RAD21L1: variants seen among roughly 807,000 people sequenced by gnomAD.
The protein encoded by RAD21L1 is RAD21 cohesin complex component like 1, also known as double-strand-break repair protein rad21-like protein 1.
In RAD21L1, 47 loss-of-function variants were observed where a neutral mutation model predicts 69.0. The observed-to-expected ratio is 0.68, with a 90% CI of 0.54 to 0.87. The LOEUF is 0.87. Ranked by LOEUF, RAD21L1 falls within the 40% of genes least tolerant of loss-of-function variation. The pLI, the probability that RAD21L1 is intolerant of heterozygous loss-of-function variation, is 0.00. For synonymous variants in RAD21L1, 177 were observed against 205.8 expected, an observed-to-expected ratio of 0.86 and a Z score of 1.20; for missense variants, 583 against 647.6, an observed-to-expected ratio of 0.90 and a Z score of 1.08.
At chr20:1,237,995 A>G (rs1568519713) in intron 5 of RAD21L1, 49 bp from the exon 6 acceptor site, 10 of 1,050,864 alleles carry the variant, frequency 9.5e-6, no homozygotes, top group Admixed American at 2.5e-5. Context: ...TTCTAACCCT[A>G]TAATTCTGTG....
intron 7 of RAD21L1, among the ~76,000 whole-genome samples, chr20:1,239,984 ATT>A: frequency 6.6e-6 from 1 of 151,720 alleles, no homozygotes; most frequent in Non-Finnish European, 1.5e-5. Context: ...ACAGAATAGA[ATT>A]TTTTTTTAGC....
chr20:1,240,302 T>C lies in RAD21L1; in HGVS notation c.743-19T>C. Reference sequence around the variant, plus strand: ...TAACTGGTTTTTTTTACAATTACTTTTATGTGGATGTTGATTAGTTGAACC... The same window carrying C: ...TAACTGGTTTTTTTTACAATTACTTCTATGTGGATGTTGATTAGTTGAACC... On this transcript the variant is annotated intron_variant, in intron 7 of 13. Transcript: ENST00000683101. 2 of 1,523,278 alleles carry C rather than the reference T, an allele frequency of 1.3e-6. No homozygotes were observed. Among genetic ancestry groups the C allele is most frequent in the Non-Finnish European group, 1.8e-6 (2 of 1,137,298 alleles). The allele number at this position is 1,523,278 out of a possible 1,614,324, so 94.4% of individuals were successfully genotyped here. A position where few individuals can be genotyped will look rare whatever the true frequency, so the allele number is the denominator to read the frequency against.
Position 1,251,515 on chromosome 20 carries a change from A to T in RAD21L1, c.1480-2754A>T, listed in dbSNP as rs79165955. Reference sequence around the variant, plus strand: ...ATTTTTTAAAGTTTTTCATAGAGTCAAGGTCCCACTGTGTTGCTCAGGCTG... The same window carrying T: ...ATTTTTTAAAGTTTTTCATAGAGTCTAGGTCCCACTGTGTTGCTCAGGCTG... On this transcript the variant is annotated intron_variant, in intron 13 of 13. Coordinates refer to ENST00000683101, the MANE Select transcript of RAD21L1 (RefSeq NM_001384355.1). Among the ~76,000 whole-genome samples, 1,109 of 151,970 alleles carry T rather than the reference A, an allele frequency of 7.3e-3. 16 individuals carry two copies. Among genetic ancestry groups the T allele is most frequent in the African/African-American group, 0.026 (1,065 of 41,500 alleles).
In RAD21L1 at chr20:1,228,467, A is replaced by G. The variant is rs2087309645; in HGVS notation, c.14A>G (p.His5Arg). The stretch of plus-strand genomic sequence containing the variant: ...AACACAGGCAACATGTTCTACACAC[A>G]TGTGCTTATGAGTAAACGAGGGCCA... The part of the protein sequence containing the change: MFYT[H>R]VLMSKRGPLA... The change falls in exon 2 of 14, where the codon CAT becomes CGT. Residue 5 changes from histidine to arginine, a missense_variant. Transcript: ENST00000683101. 2 of 1,546,656 alleles carry G rather than the reference A, an allele frequency of 1.3e-6. No individual in the cohort carries two copies. Among genetic ancestry groups the G allele is most frequent in the Non-Finnish European group, 1.7e-6 (2 of 1,145,382 alleles).
At chr20:1,228,709 A>G (rs2087318451) in intron 2 of RAD21L1, 112 bp downstream of exon 2, 3 of 783,674 alleles carry the variant, frequency 3.8e-6, no homozygotes, top group East Asian at 5.9e-5. Flanking sequence ...TTACTTGTCA[A>G]ATGGTCTTTC....
intron 7 of RAD21L1, 53 bp from the exon 8 acceptor site, chr20:1,240,268 C>T (rs2087579392): frequency 6.7e-7 from 1 of 1,500,064 alleles, no homozygotes; most frequent in African/African-American, 1.4e-5. Flanking sequence ...AGTCCTCTAG[C>T]CTGCATCCTA....
Position 1,228,465 on chromosome 20 carries a change from A to T in RAD21L1, c.12A>T (p.Thr4=), listed in dbSNP as rs769346469. 1.7e-5 allele frequency: 26 copies of T among 1,545,554 alleles called. No homozygotes were observed. The Middle Eastern group carries it at 5.0e-4, about 30-fold the overall frequency. Residue 4 remains threonine, a synonymous_variant, in exon 2 of 14, where the codon ACA becomes ACT. Coordinates refer to ENST00000683101, the MANE Select transcript of RAD21L1 (RefSeq NM_001384355.1). MFY[T]HVLMSKRGPL... ...GGAACACAGGCAACATGTTCTACAC[A>T]CATGTGCTTATGAGTAAACGAGGGC...
chr20:1,238,420 A>G (rs2087543155), intron 6 of RAD21L1, among the ~76,000 whole-genome samples: 1 of 152,030 alleles, frequency 6.6e-6, no homozygotes, highest in African/African-American at 2.4e-5. Context: ...GTTTAAATAT[A>G]TTTTCTATAG....
rs1351524233 is a variant in RAD21L1, at chr20:1,254,889, C to T, written c.*432C>T. On this transcript the variant is annotated 3_prime_UTR_variant, in exon 14 of 14. Coordinates refer to ENST00000683101, the MANE Select transcript of RAD21L1 (RefSeq NM_001384355.1). ...TCATTTCCCTGATTTGAATGTTGCA[C>T]TTAGCATACATTTAGCATGCATTTT... Among the ~76,000 whole-genome samples the T allele has an allele frequency of 1.3e-5, 2 of 152,162 alleles. No homozygotes were observed. The highest frequency in any genetic ancestry group is 2.4e-5 in the African/African-American group (1 of 41,430).
intron 8 of RAD21L1, among the ~76,000 whole-genome samples, chr20:1,241,298 G>C (rs959979208): frequency 1.3e-5 from 2 of 152,222 alleles, no homozygotes; most frequent in African/African-American, 4.8e-5. Flanking sequence ...AGAATAAAAA[G>C]ATCAGAGGAG....
chr20:1,241,545 A>G (rs1018423770), intron 8 of RAD21L1, among the ~76,000 whole-genome samples: 3 of 152,208 alleles, frequency 2.0e-5, no homozygotes, highest in African/African-American at 7.2e-5. Flanking sequence ...CCTCTATCTC[A>G]CTAGGCTGGC....
rs1338103974 is a variant in RAD21L1 at position 1,243,076 on chromosome 20, CA to C, written c.1084-16del. The C allele has an allele frequency of 2.1e-6, 3 of 1,443,632 alleles. No individual in the cohort carries two copies. The highest frequency in any genetic ancestry group is 2.8e-6 in the Non-Finnish European group (3 of 1,076,352). 89.4% of individuals were successfully genotyped at this position (1,443,632 alleles called of 1,614,324 possible). On this transcript the variant is annotated intron_variant, in intron 9 of 13. Transcript: ENST00000683101. ...TTTGCTGGTACAAAAACAAAAAAAA[CA>C]AAAATGTGTATTTTTACAGTTGTTT...
intron 7 of RAD21L1, 108 bp downstream of exon 7, chr20:1,239,515 G>C (rs902373395): frequency 1.6e-6 from 1 of 637,060 alleles, no homozygotes; most frequent in African/African-American, 1.8e-5. Flanking sequence ...AAAGAACAAT[G>C]TCTTTCAGAC....
intron 5 of RAD21L1, among the ~76,000 whole-genome samples, chr20:1,235,750 TG>T (rs1196583774): frequency 6.6e-6 from 1 of 151,532 alleles, no homozygotes; most frequent in Non-Finnish European, 1.5e-5. Context: ...TATTCTTATT[TG>T]GGCTTGAAAC....
At position 1,241,965 on chromosome 20, in the gene RAD21L1, G is replaced by A. The variant is rs150564650; in HGVS notation, c.857-654G>A. Among the ~76,000 whole-genome samples the A allele has an allele frequency of 2.0e-5, 3 of 152,288 alleles. No homozygotes were observed. In the East Asian group the frequency reaches 5.8e-4, roughly 29 times the overall value. The stretch of plus-strand genomic sequence containing the variant: ...CTGCTTGGAATGTCTATGAATTTCA[G>A]TGGGAGAGGGAAAAATACACTGGAC... On this transcript the variant is annotated intron_variant, in intron 8 of 13. Coordinates refer to ENST00000683101, the MANE Select transcript of RAD21L1 (RefSeq NM_001384355.1).
At position 1,254,249 on chromosome 20, in the gene RAD21L1, T is replaced by A. The variant is rs762769913; in HGVS notation, c.1480-20T>A. ...GATCTTGTTTCCCATTTCTTTTTTC[T>A]TTTCTAATTATTTTCCCAGGAATCT... On this transcript the variant is annotated intron_variant, in intron 13 of 13. Coordinates refer to ENST00000683101, the MANE Select transcript of RAD21L1 (RefSeq NM_001384355.1). 137 of 1,436,720 alleles carry A rather than the reference T, an allele frequency of 9.5e-5. No homozygotes were observed. The highest frequency in any genetic ancestry group is 1.9e-6 in the Non-Finnish European group (2 of 1,078,384). The allele number at this position is 1,436,720 out of a possible 1,614,324, so 89.0% of individuals were successfully genotyped here.
At position 1,231,560 on chromosome 20, in the gene RAD21L1, A is replaced by G. The variant is rs1186433322; in HGVS notation, c.309A>G (p.Ala103=). The change falls in exon 4 of 14, where the codon GCA becomes GCG. Residue 103 remains alanine, a synonymous_variant. Transcript: ENST00000683101. ...LVDLPKENFE[A]SYNAITLPEE... ...ACCTTCCAAAAGAGAATTTTGAAGC[A>G]TCTTACAATGCTATCACATTGCCAG... The G allele has an allele frequency of 6.5e-7, 1 of 1,541,782 alleles. No homozygotes were observed. Among genetic ancestry groups the G allele is most frequent in the East Asian group, 2.5e-5 (1 of 40,610 alleles).
intron 1 of RAD21L1, among the ~76,000 whole-genome samples, chr20:1,226,921 T>C (rs548242102): frequency 2.0e-5 from 3 of 152,312 alleles, no homozygotes; most frequent in African/African-American, 7.2e-5. Context: ...GTACATTTGA[T>C]TTTTTTGAGA....
intron 11 of RAD21L1, among the ~76,000 whole-genome samples, chr20:1,244,414 G>A (rs75155492): frequency 0.019 from 2,862 of 152,208 alleles, 105 homozygotes; most frequent in African/African-American, 0.065. Context: ...TGCATGATAC[G>A]TTAAATCAAT....
Sources: gnomAD v4.1 joint callset for allele counts (sites outside exome capture counted in the v4.1 genomes callset) on GRCh38, gnomAD v4.1.1 for gene constraint, MANE v1.5 for transcripts, NCBI Gene and HGNC (gene_info 2026-07-23, HGNC 2026-07-21) for gene names.